CLN8: variants seen among roughly 807,000 people sequenced by gnomAD.
CLN8 encodes CLN8 transmembrane ER and ERGIC protein.
In CLN8, 14 loss-of-function variants were observed where a neutral mutation model predicts 15.7. The ratio of observed to expected loss-of-function variants is 0.89; its 90% CI spans 0.59 to 1.39. The LOEUF (loss-of-function observed/expected upper bound fraction) is 1.39, where lower values mean the gene tolerates loss of function less well. Ranked by LOEUF, CLN8 falls within the 40% of genes most tolerant of loss-of-function variation. The probability of loss-of-function intolerance (pLI) is 0.00; values close to 1 mark genes in which losing one functional copy is unlikely to be tolerated. For missense variants in CLN8, 415 were observed against 364.0 expected, an observed-to-expected ratio of 1.14 and a Z score of -1.14; for synonymous variants, 188 against 151.0, an observed-to-expected ratio of 1.25 and a Z score of -1.80.
At chr8:1,754,755 A>G (rs1435427826), upstream of CLN8, among the ~76,000 whole-genome samples, 1 of 152,208 alleles carries the variant, frequency 6.6e-6, no homozygotes, top group Non-Finnish European at 1.5e-5. Flanking sequence ...TAGACATCCC[A>G]ACACCATGCC....
chr8:1,768,468 A>G (rs1356475882), intron 1 of CLN8, among the ~76,000 whole-genome samples: 1 of 152,200 alleles, frequency 6.6e-6, no homozygotes, highest in Non-Finnish European at 1.5e-5. Context: ...GTCTCAAGGC[A>G]GAGGTCCTAC....
chr8:1,767,557 G>GT (rs1801114157), intron 1 of CLN8, among the ~76,000 whole-genome samples: 1 of 107,086 alleles, frequency 9.3e-6, no homozygotes, highest in South Asian at 3.4e-4. Flanking sequence ...TGCTCTGTAT[G>GT]TTTCTTTCTT....
In CLN8 at chr8:1,786,088, G is replaced by A. The variant is rs925232661; in HGVS notation, c.*5521G>A. 3.9e-5 allele frequency: 6 copies of A among 152,648 alleles called. No homozygotes were observed. Among genetic ancestry groups the A allele is most frequent in the Admixed American group, 3.9e-4 (6 of 15,362 alleles). The allele number at this position is 152,648 out of a possible 1,614,324, so 9.5% of individuals were successfully genotyped here. On this transcript the variant is annotated 3_prime_UTR_variant, in exon 3 of 3. Coordinates refer to ENST00000331222, the MANE Select transcript of CLN8 (RefSeq NM_018941.4). ...CCAGCCTGCGGGGGCTCTCTATCGG[G>A]GTCTTCGAGAGCCAGACAGCCTGCC...
chr8:1,783,528 T>G lies in CLN8; in HGVS notation c.*2961T>G, dbSNP rs1801758296. 1 of 152,208 alleles carries G rather than the reference T, an allele frequency of 6.6e-6. No individual in the cohort carries two copies. The highest frequency in any genetic ancestry group is 6.5e-5 in the Admixed American group (1 of 15,282). The allele number at this position is 152,208 out of a possible 1,614,324, so 9.4% of individuals were successfully genotyped here. A position where few individuals can be genotyped will look rare whatever the true frequency, so the allele number is the denominator to read the frequency against. On this transcript the variant is annotated 3_prime_UTR_variant, in exon 3 of 3. Coordinates refer to ENST00000331222, the MANE Select transcript of CLN8 (RefSeq NM_018941.4). ...AATCCTTCTCTATACCTATGTTTTG[T>G]TTTGTTTCTTAAGTTGGGAAACAGA...
chr8:1,753,978 C>G (rs1343730050), upstream of CLN8, among the ~76,000 whole-genome samples: 1 of 152,106 alleles, frequency 6.6e-6, no homozygotes, highest in African/African-American at 2.4e-5. Context: ...TTGGTGGGAC[C>G]AAAGGAAAGC....
intron 1 of CLN8, chr8:1,758,695 G>A (rs1163345829): frequency 2.0e-5 from 3 of 152,200 alleles, no homozygotes; most frequent in African/African-American, 7.2e-5. Context: ...GCAGGTGGAA[G>A]GTGTCCAGGT....
upstream of CLN8, chr8:1,763,062 G>T (rs1444328524): frequency 6.6e-6 from 1 of 152,176 alleles, no homozygotes; most frequent in African/African-American, 2.4e-5. Context: ...AAAAACTCAG[G>T]TGTGGGCGCA....
At chr8:1,760,590 A>C (rs150708481), upstream of CLN8, 476 of 152,312 alleles carry the variant, frequency 3.1e-3, 5 homozygotes, top group African/African-American at 0.011. Context: ...CAAGCTGAAG[A>C]GCTTACTAGC....
At chr8:1,756,226 G>A (rs1245866674) in intron 1 of CLN8, 6 of 152,208 alleles carry the variant, frequency 3.9e-5, no homozygotes, top group East Asian at 3.8e-4. Flanking sequence ...GCTCACGCCT[G>A]TAATCCTAGC....
chr8:1,777,320 T>C (rs911790721), intron 2 of CLN8, among the ~76,000 whole-genome samples: 7 of 152,188 alleles, frequency 4.6e-5, no homozygotes, highest in African/African-American at 1.7e-4. Flanking sequence ...CTTGCAGGAC[T>C]GGAAGCTGCT....
chr8:1,766,132 A>G (rs565902101), intron 1 of CLN8, among the ~76,000 whole-genome samples: 3 of 152,272 alleles, frequency 2.0e-5, no homozygotes, highest in African/African-American at 7.2e-5. Context: ...TTGCATTCAG[A>G]TTTTTAAAAA....
upstream of CLN8, among the ~76,000 whole-genome samples, chr8:1,755,354 C>T (rs565130342): frequency 6.6e-5 from 10 of 152,256 alleles, no homozygotes; most frequent in Admixed American, 3.3e-4. Context: ...GATCCCCACC[C>T]GACTCCCCTC....
chr8:1,774,061 C>A (rs1205873686), intron 2 of CLN8, among the ~76,000 whole-genome samples: 1 of 152,144 alleles, frequency 6.6e-6, no homozygotes, highest in African/African-American at 2.4e-5. Context: ...CTCTCCAGTC[C>A]TCAGGGGAAA....
Position 1,763,841 on chromosome 8 carries a change from CG to C in CLN8, c.-164del. 1.3e-5 allele frequency: 2 copies of C among 151,698 alleles called. No homozygotes were observed. The highest frequency in any genetic ancestry group is 2.9e-5 in the Non-Finnish European group (2 of 68,064). 9.4% of individuals were successfully genotyped at this position (151,698 alleles called of 1,614,324 possible). Reference sequence around the variant, plus strand: ...GTGACTGCCGGGAGTCCTGCAGGGGCGGGGCGGCGCCAAGCGCAGGGAGCCC... The same window carrying C: ...GTGACTGCCGGGAGTCCTGCAGGGGCGGGCGGCGCCAAGCGCAGGGAGCCC... On this transcript the variant is annotated 5_prime_UTR_variant, in exon 1 of 3. It introduces an in-frame stop codon into an upstream open reading frame of the 5' UTR. Transcript: ENST00000331222.
At chr8:1,757,627 G>T (rs987491668) in intron 1 of CLN8, among the ~76,000 whole-genome samples, 3 of 152,084 alleles carry the variant, frequency 2.0e-5, no homozygotes, top group Admixed American at 1.3e-4. Flanking sequence ...TTTTAGTAGA[G>T]ACAAGGTTTC....
chr8:1,760,123 G>C (rs1800757910), upstream of CLN8: 2 of 152,164 alleles, frequency 1.3e-5, no homozygotes, highest in Non-Finnish European at 2.9e-5. Context: ...TCAAAATTCA[G>C]CTTTGTCATT....
At chr8:1,757,854 T>C (rs529423728) in intron 1 of CLN8, among the ~76,000 whole-genome samples, 1 of 152,304 alleles carries the variant, frequency 6.6e-6, no homozygotes, top group East Asian at 1.9e-4. Flanking sequence ...CTCGGGGTTA[T>C]CATTTTCAAC....
chr8:1,767,144 G>T (rs117447719), intron 1 of CLN8, among the ~76,000 whole-genome samples: 3,715 of 152,324 alleles, frequency 0.024, 66 homozygotes, highest in Non-Finnish European at 0.037. Context: ...CTGGCTGGAG[G>T]ATGCTGGTTG....
chr8:1,763,440 C>G (rs1209020947), upstream of CLN8: 2 of 16,962 alleles, frequency 1.2e-4, 1 homozygote, highest in Non-Finnish European at 2.2e-4. Flanking sequence ...CGCGCCCCGC[C>G]CCCCGCCGCG....
Sources: gnomAD v4.1 joint callset for allele counts (sites outside exome capture counted in the v4.1 genomes callset) on GRCh38, gnomAD v4.1.1 for gene constraint, MANE v1.5 for transcripts, NCBI Gene and HGNC (gene_info 2026-07-23, HGNC 2026-07-21) for gene names.